DOCK1: variants seen among roughly 807,000 people sequenced by gnomAD.
The protein encoded by DOCK1 is dedicator of cytokinesis 1, also known as dedicator of cytokinesis protein 1.
A neutral mutation model predicts 262.7 loss-of-function variants in DOCK1; 138 were observed. The ratio of observed to expected loss-of-function variants is 0.53; its 90% CI spans 0.46 to 0.61. The LOEUF (loss-of-function observed/expected upper bound fraction) is 0.61, where lower values mean the gene tolerates loss of function less well. Among genes scored for constraint, DOCK1 ranks in the 20% least tolerant of loss-of-function variants. The pLI is 0.00. For synonymous variants in DOCK1, 866 were observed against 867.4 expected, an observed-to-expected ratio of 1.00 and a Z score of 0.03; for missense variants, 1,908 against 2,370.7, an observed-to-expected ratio of 0.80 and a Z score of 4.05.
At chr10:127,306,077 C>T (rs1031353967) in intron 29 of DOCK1, among the ~76,000 whole-genome samples, 3 of 144,926 alleles carry the variant, frequency 2.1e-5, no homozygotes, top group Non-Finnish European at 4.5e-5. Context: ...TGCAGTGGTG[C>T]GATCTCAGCT....
chr10:126,928,730 G>T (rs2033963704), intron 1 of DOCK1, among the ~76,000 whole-genome samples: 1 of 152,192 alleles, frequency 6.6e-6, no homozygotes, highest in Admixed American at 6.5e-5. Flanking sequence ...GATGGAGGCA[G>T]AAGTGGGTGT....
At chr10:127,430,574 C>A (rs985648085) in intron 47 of DOCK1, among the ~76,000 whole-genome samples, 1 of 152,134 alleles carries the variant, frequency 6.6e-6, no homozygotes, top group South Asian at 2.1e-4. Context: ...TCGCACCCTC[C>A]CTGCTGGGCC....
intron 49 of DOCK1, among the ~76,000 whole-genome samples, chr10:127,441,974 C>T (rs1296271335): frequency 1.3e-5 from 2 of 152,052 alleles, no homozygotes; most frequent in Non-Finnish European, 2.9e-5. Context: ...CTTAGGAGAC[C>T]CCAAATCTCT....
At chr10:126,915,736 C>A (rs2032411131) in intron 1 of DOCK1, among the ~76,000 whole-genome samples, 1 of 152,150 alleles carries the variant, frequency 6.6e-6, no homozygotes, top group South Asian at 2.1e-4. Flanking sequence ...CAGGCGTGAG[C>A]CACCGTGCCT....
intron 1 of DOCK1, among the ~76,000 whole-genome samples, chr10:126,926,110 T>C (rs2033696178): frequency 6.6e-6 from 1 of 152,020 alleles, no homozygotes; most frequent in Admixed American, 6.6e-5. Flanking sequence ...AGTGATGTGA[T>C]AGGGGTAAAA....
chr10:127,201,733 C>T (rs2057469154), intron 27 of DOCK1, among the ~76,000 whole-genome samples: 1 of 152,192 alleles, frequency 6.6e-6, no homozygotes, highest in Admixed American at 6.5e-5. Context: ...AACCCCAAGG[C>T]TTTCCCCTCC....
At chr10:126,979,952 C>A (rs2038832088) in intron 3 of DOCK1, among the ~76,000 whole-genome samples, 1 of 152,126 alleles carries the variant, frequency 6.6e-6, no homozygotes, top group Non-Finnish European at 1.5e-5. Context: ...AGTCATTATC[C>A]TTCCTGTGGC....
intron 23 of DOCK1, among the ~76,000 whole-genome samples, chr10:127,064,787 C>T (rs2045754345): frequency 6.6e-6 from 1 of 152,190 alleles, no homozygotes; most frequent in African/African-American, 2.4e-5. Context: ...TCTAAGTGTC[C>T]CGTTCAGTGG....
chr10:127,228,449 C>G (rs1292728001), intron 27 of DOCK1, among the ~76,000 whole-genome samples: 2 of 152,212 alleles, frequency 1.3e-5, no homozygotes. Flanking sequence ...TATAAAAAGC[C>G]TGTTTGCAAA....
At chr10:127,120,737 A>G (rs1361143565) in intron 25 of DOCK1, among the ~76,000 whole-genome samples, 10 of 152,212 alleles carry the variant, frequency 6.6e-5, no homozygotes, top group African/African-American at 2.4e-4. Context: ...TATTAATTAC[A>G]ATTAAATAAC....
Position 127,300,284 on chromosome 10 carries a change from T to G in DOCK1, c.3045-38722T>G, listed in dbSNP as rs919400227. 3.3e-5 allele frequency among the ~76,000 whole-genome samples: 5 copies of G among 152,358 alleles called. No individual in the cohort carries two copies. The Middle Eastern group carries it at 0.01, about 311-fold the overall frequency. On this transcript the variant is annotated intron_variant, in intron 29 of 51. Coordinates refer to ENST00000623213, the MANE Select transcript of DOCK1 (RefSeq NM_001290223.2). ...AAGGCTTCTTTCGCGCTGCCTCTCCTGTGCGGCTTCTCTCCGTTGTCTGTC... is the reference window on the plus strand; with the variant it reads ...AAGGCTTCTTTCGCGCTGCCTCTCCGGTGCGGCTTCTCTCCGTTGTCTGTC...
intron 12 of DOCK1, among the ~76,000 whole-genome samples, chr10:127,017,385 A>C (rs1194809534): frequency 6.6e-6 from 1 of 152,152 alleles, no homozygotes; most frequent in Admixed American, 6.5e-5. Flanking sequence ...ACACAGACAT[A>C]CATACAGATA....
At chr10:126,912,006 C>T (rs1368922074) in intron 1 of DOCK1, among the ~76,000 whole-genome samples, 1 of 152,150 alleles carries the variant, frequency 6.6e-6, no homozygotes, top group Admixed American at 6.5e-5. Context: ...TCTGTAATGC[C>T]GGAGTCAAGG....
At chr10:127,163,407 G>T (rs2053766302) in intron 27 of DOCK1, among the ~76,000 whole-genome samples, 1 of 152,118 alleles carries the variant, frequency 6.6e-6, no homozygotes, top group African/African-American at 2.4e-5. Flanking sequence ...CCACGAGAAG[G>T]TCAACACAAT....
chr10:127,250,950 T>G (rs1273384423), intron 28 of DOCK1, among the ~76,000 whole-genome samples: 2 of 152,076 alleles, frequency 1.3e-5, no homozygotes, highest in African/African-American at 4.8e-5. Flanking sequence ...TATATGACTG[T>G]TTTTCAACTC....
intron 38 of DOCK1, among the ~76,000 whole-genome samples, chr10:127,399,407 C>T (rs2067094945): frequency 6.6e-6 from 1 of 152,272 alleles, no homozygotes; most frequent in East Asian, 1.9e-4. Flanking sequence ...GAATTACCCA[C>T]ACTCTCTTTA....
At chr10:127,226,730 GA>G (rs1170703480) in intron 27 of DOCK1, among the ~76,000 whole-genome samples, 8 of 151,942 alleles carry the variant, frequency 5.3e-5, no homozygotes, top group African/African-American at 1.9e-4. Flanking sequence ...GGTGACAGGG[GA>G]AGACTGGGTC....
At chr10:127,031,999 G>A in intron 17 of DOCK1, 138 bp from the exon 18 acceptor site, 2 of 1,154,934 alleles carry the variant, frequency 1.7e-6, no homozygotes, top group Non-Finnish European at 2.5e-6. Context: ...AGTAATAAGG[G>A]AAATTATTAA....
intron 43 of DOCK1, among the ~76,000 whole-genome samples, chr10:127,414,122 G>T (rs2068020957): frequency 6.6e-6 from 1 of 152,226 alleles, no homozygotes; most frequent in Non-Finnish European, 1.5e-5. Context: ...ACGTTGCCCG[G>T]CCTGGTCTCG....
Sources: gnomAD v4.1 joint callset for allele counts (sites outside exome capture counted in the v4.1 genomes callset) on GRCh38, gnomAD v4.1.1 for gene constraint, MANE v1.5 for transcripts, NCBI Gene and HGNC (gene_info 2026-07-23, HGNC 2026-07-21) for gene names.